The following GOLGA1 variants were observed in gnomAD, a reference collection of about 807,000 sequenced individuals.
GOLGA1 encodes the protein golgin A1.
In GOLGA1, 63 loss-of-function variants were observed where a neutral mutation model predicts 119.7. The ratio of observed to expected loss-of-function variants is 0.53; its 90% CI spans 0.43 to 0.65. The LOEUF (loss-of-function observed/expected upper bound fraction) is 0.65, where lower values mean the gene tolerates loss of function less well. Among genes scored for constraint, GOLGA1 ranks in the 30% least tolerant of loss-of-function variants. The pLI, the probability that GOLGA1 is intolerant of heterozygous loss-of-function variation, is 0.00. For missense variants in GOLGA1, 798 were observed against 912.8 expected (o/e 0.87, Z 1.62); for synonymous variants, 318 against 333.4 (o/e 0.95, Z 0.50).
In GOLGA1 at chr9:124,902,555, C is replaced by T. The variant is rs368029964; in HGVS notation, c.1066-2008G>A. On this transcript the variant is annotated intron_variant, in intron 12 of 22. Transcript: ENST00000373555. ...AGGCTTGAGTGCAGTGGCGCGATCTCGGCTCACTGAAAGCTCCGCCGCCTC... is the reference window on the plus strand; with the variant it reads ...AGGCTTGAGTGCAGTGGCGCGATCTTGGCTCACTGAAAGCTCCGCCGCCTC... 6.6e-5 allele frequency among the ~76,000 whole-genome samples: 10 copies of T among 151,806 alleles called. No individual in the cohort carries two copies. The East Asian group carries it at 1.2e-3, about 18-fold the overall frequency.
upstream of GOLGA1, chr9:124,942,877 GA>G (rs1183759558): frequency 6.6e-6 from 1 of 152,208 alleles, no homozygotes; most frequent in African/African-American, 2.4e-5. Flanking sequence ...TATAGCAGGA[GA>G]AAACATTGGA....
At chr9:124,895,263 GA>G (rs1486549061) in intron 15 of GOLGA1, among the ~76,000 whole-genome samples, 3 of 139,504 alleles carry the variant, frequency 2.2e-5, no homozygotes, top group Admixed American at 7.3e-5. Context: ...CCATAACAGA[GA>G]ACCATCCACA....
At chr9:124,926,176 T>A (rs1830669013) in intron 7 of GOLGA1, among the ~76,000 whole-genome samples, 1 of 152,114 alleles carries the variant, frequency 6.6e-6, no homozygotes, top group East Asian at 1.9e-4. Context: ...CAAAAGATAA[T>A]GTGCTGGCAA....
Position 124,881,718 on chromosome 9 carries a change from G to A in GOLGA1, c.2136+66C>T. 9.6e-7 allele frequency: 1 copy of A among 1,041,436 alleles called. No individual in the cohort carries two copies. The highest frequency in any genetic ancestry group is 1.6e-5 in the African/African-American group (1 of 62,380). The allele number at this position is 1,041,436 out of a possible 1,614,324, so 64.5% of individuals were successfully genotyped here. A position where few individuals can be genotyped will look rare whatever the true frequency, so the allele number is the denominator to read the frequency against. ...AAAAGAGAGAAAGGGGCTGGGCAGG[G>A]GTCCCTGCAGGACAGACTGTAGGGC... On this transcript the variant is annotated intron_variant, in intron 21 of 22. Coordinates refer to ENST00000373555, the MANE Select transcript of GOLGA1 (RefSeq NM_002077.4). The surrounding 1 kb of genome is among the most constrained non-coding windows in gnomAD (Gnocchi z 4.9).
chr9:124,898,493 A>G, intron 15 of GOLGA1, 56 bp downstream of exon 15: 2 of 964,128 alleles, frequency 2.1e-6, no homozygotes, highest in Non-Finnish European at 1.7e-6. Context: ...CACTGTAAAT[A>G]CACATGTAGA....
At chr9:124,945,116 T>C (rs1409405700), upstream of GOLGA1, 1 of 152,178 alleles carries the variant, frequency 6.6e-6, no homozygotes, top group Non-Finnish European at 1.5e-5. Flanking sequence ...TGATACCCAA[T>C]TTATAGTCTA....
chr9:124,894,063 G>A (rs1440964144), intron 15 of GOLGA1, among the ~76,000 whole-genome samples: 1 of 152,124 alleles, frequency 6.6e-6, no homozygotes, highest in Non-Finnish European at 1.5e-5. Context: ...ACTCAGTCTC[G>A]TCAAATCTAA....
chr9:124,934,448 C>G (rs942091729), intron 3 of GOLGA1, among the ~76,000 whole-genome samples: 4 of 151,990 alleles, frequency 2.6e-5, no homozygotes, highest in African/African-American at 9.7e-5. Flanking sequence ...AAGAGTCTGT[C>G]AGAGGAATGC....
At position 124,932,678 on chromosome 9, in the gene GOLGA1, C is replaced by T. The variant is rs550745986; in HGVS notation, c.136-1272G>A. Among the ~76,000 whole-genome samples, 15 of 152,268 alleles carry T rather than the reference C, an allele frequency of 9.9e-5. No individual in the cohort carries two copies. The South Asian group carries it at 3.1e-3, about 32-fold the overall frequency. On this transcript the variant is annotated intron_variant, in intron 3 of 22. Transcript: ENST00000373555. ...CTAGTTGTCTTAGTCTGTTTGAGTG[C>T]TATAATGAAATGCCATAGAATGTGT...
intron 19 of GOLGA1, among the ~76,000 whole-genome samples, chr9:124,884,777 C>T (rs146189254): frequency 1.1e-3 from 170 of 152,302 alleles, no homozygotes; most frequent in African/African-American, 3.8e-3. Flanking sequence ...CTTTATCTTA[C>T]GTTATTTTGG....
chr9:124,911,831 G>A (rs1030655783), intron 11 of GOLGA1, 70 bp downstream of exon 11: 9 of 1,380,762 alleles, frequency 6.5e-6, no homozygotes, highest in Non-Finnish European at 9.1e-6. Flanking sequence ...TGAAACTCTA[G>A]GAATTGTGAA....
At chr9:124,903,943 G>C (rs1588073471) in intron 12 of GOLGA1, among the ~76,000 whole-genome samples, 2 of 152,002 alleles carry the variant, frequency 1.3e-5, no homozygotes, top group South Asian at 4.1e-4. Flanking sequence ...CGCGCCTGTA[G>C]TCCCAGCTAC....
chr9:124,924,084 G>T (rs577022191), intron 7 of GOLGA1, among the ~76,000 whole-genome samples: 3 of 152,220 alleles, frequency 2.0e-5, no homozygotes, highest in Non-Finnish European at 4.4e-5. Context: ...TCGAACTCCT[G>T]ACTTCAGGTG....
chr9:124,928,345 A>G, intron 5 of GOLGA1, 60 bp from the exon 6 acceptor site: 1 of 853,284 alleles, frequency 1.2e-6, no homozygotes, highest in Non-Finnish European at 1.9e-6. Context: ...CATGACAAAT[A>G]GCCCATGTGA....
At chr9:124,917,498 C>A (rs1830470413) in intron 10 of GOLGA1, among the ~76,000 whole-genome samples, 1 of 152,154 alleles carries the variant, frequency 6.6e-6, no homozygotes, top group East Asian at 1.9e-4. Context: ...ATTAGTAAGT[C>A]TGTCAATCTC....
At chr9:124,908,164 A>G (rs1300080212) in intron 12 of GOLGA1, among the ~76,000 whole-genome samples, 2 of 152,248 alleles carry the variant, frequency 1.3e-5, no homozygotes, top group Non-Finnish European at 2.9e-5. Flanking sequence ...AGGGAGGCCA[A>G]TGGGGATAAA....
rs1021289290 is a variant in GOLGA1 at position 124,881,354 on chromosome 9, G to A, written c.2137-97C>T. ...TGGCATTTCCTGCTTGCTTTGGTTAGCAGGACCAGGTGGTGGGTGACGCTC... is the reference window on the plus strand; with the variant it reads ...TGGCATTTCCTGCTTGCTTTGGTTAACAGGACCAGGTGGTGGGTGACGCTC... On this transcript the variant is annotated intron_variant, in intron 21 of 22. Coordinates refer to ENST00000373555, the MANE Select transcript of GOLGA1 (RefSeq NM_002077.4). The surrounding 1 kb of genome is among the most constrained non-coding windows in gnomAD (Gnocchi z 4.9). 7.8e-6 allele frequency: 6 copies of A among 771,180 alleles called. No individual in the cohort carries two copies. Among genetic ancestry groups the A allele is most frequent in the Non-Finnish European group, 1.4e-5 (6 of 418,024 alleles). 47.8% of individuals were successfully genotyped at this position (771,180 alleles called of 1,614,324 possible). A position where few individuals can be genotyped will look rare whatever the true frequency, so the allele number is the denominator to read the frequency against.
At chr9:124,935,336 T>C (rs773303800) in intron 3 of GOLGA1, among the ~76,000 whole-genome samples, 17 of 152,234 alleles carry the variant, frequency 1.1e-4, no homozygotes, top group Non-Finnish European at 1.9e-4. Flanking sequence ...TTTTAAATGA[T>C]ATGCATTAAA....
chr9:124,929,075 A>G (rs1317283576), intron 5 of GOLGA1, 141 bp downstream of exon 5: 1 of 644,888 alleles, frequency 1.6e-6, no homozygotes, highest in East Asian at 2.7e-5. Context: ...TCCAAATGTT[A>G]TATCAACCTG....
Sources: allele counts gnomAD v4.1 joint callset (sites outside exome capture counted in the v4.1 genomes callset), GRCh38; gene constraint gnomAD v4.1.1; non-coding constraint Gnocchi (gnomAD v3.1); transcripts MANE v1.5; gene names NCBI Gene and HGNC (gene_info 2026-07-23, HGNC 2026-07-21).